The following PHGR1 variants were observed in gnomAD, a reference collection of about 807,000 sequenced individuals.
The protein encoded by PHGR1 is proline, histidine and glycine-rich protein 1.
A neutral mutation model predicts 4.9 loss-of-function variants in PHGR1; 3 were observed. The ratio of observed to expected loss-of-function variants is 0.61; its 90% CI spans 0.28 to 1.58. The LOEUF is 1.58. Ranked by LOEUF, PHGR1 falls within the 40% of genes most tolerant of loss-of-function variation. The pLI is 0.11. For missense variants in PHGR1, 81 were observed against 118.7 expected (o/e 0.68, Z 1.48); for synonymous variants, 32 against 46.1 (o/e 0.69, Z 1.24).
chr15:40,351,389 C>A (rs1447636615), intron 1 of PHGR1, among the ~76,000 whole-genome samples: 2 of 152,186 alleles, frequency 1.3e-5, no homozygotes, highest in African/African-American at 4.8e-5. Context: ...TGGGCCTGAA[C>A]TGGGGAGATA....
At chr15:40,353,692 G>A (rs56190115) in intron 2 of PHGR1, 13,229 of 214,108 alleles carry the variant, frequency 0.062, 600 homozygotes, top group Non-Finnish European at 0.082. Context: ...ACACCAATGG[G>A]GCACTTCAGA....
At chr15:40,351,640 C>G (rs1283099484) in intron 1 of PHGR1, among the ~76,000 whole-genome samples, 1 of 152,152 alleles carries the variant, frequency 6.6e-6, no homozygotes, top group African/African-American at 2.4e-5. Flanking sequence ...GTGCAGGGGG[C>G]CGGGTGCAGT....
intron 2 of PHGR1, 48 bp downstream of exon 2, chr15:40,353,315 A>G: frequency 6.4e-7 from 1 of 1,551,166 alleles, no homozygotes; most frequent in Non-Finnish European, 8.7e-7. Context: ...GGGAGAGAGC[A>G]GGAGAGCGGT....
At chr15:40,353,570 G>C (rs1431930750) in intron 2 of PHGR1, 2 of 386,292 alleles carry the variant, frequency 5.2e-6, no homozygotes, top group Non-Finnish European at 9.5e-6. Flanking sequence ...AAAGGCCATA[G>C]AGGTGCAGCT....
intron 3 of PHGR1, among the ~76,000 whole-genome samples, chr15:40,355,091 C>T (rs1404826658): frequency 2.6e-5 from 4 of 152,086 alleles, no homozygotes; most frequent in Non-Finnish European, 5.9e-5. Context: ...TCCACAGGGC[C>T]CCAGACCCCG....
intron 1 of PHGR1, among the ~76,000 whole-genome samples, chr15:40,351,273 T>C (rs554645064): frequency 5.3e-4 from 81 of 152,336 alleles, no homozygotes; most frequent in African/African-American, 1.9e-3. Context: ...TCTTCTTCAG[T>C]TATGATTTAT....
At chr15:40,353,652 C>A (rs1889244190) in intron 2 of PHGR1, 1 of 245,292 alleles carries the variant, frequency 4.1e-6, no homozygotes, top group East Asian at 9.1e-5. Flanking sequence ...AAAGACCGTC[C>A]TAGCCTTTAA....
At chr15:40,352,536 G>A (rs922519829) in intron 1 of PHGR1, among the ~76,000 whole-genome samples, 12 of 152,152 alleles carry the variant, frequency 7.9e-5, no homozygotes, top group African/African-American at 2.9e-4. Flanking sequence ...ACGGCTTGTT[G>A]GTGAATGACA....
chr15:40,351,703 G>A (rs964660564), intron 1 of PHGR1, among the ~76,000 whole-genome samples: 1 of 152,068 alleles, frequency 6.6e-6, no homozygotes, highest in Admixed American at 6.6e-5. Flanking sequence ...AGGATCACTT[G>A]AGCCTAGGCT....
intron 3 of PHGR1, 78 bp from the exon 4 acceptor site, chr15:40,355,995 T>A (rs1889287875): frequency 7.0e-7 from 1 of 1,419,672 alleles, no homozygotes; most frequent in South Asian, 1.2e-5. Context: ...CCCAGGGAAG[T>A]GGAGTGAGGG....
At chr15:40,353,147 G>GTGTGCA (rs1491158872) in intron 1 of PHGR1, 85 bp from the exon 2 acceptor site, 1 of 1,037,590 alleles carries the variant, frequency 9.6e-7, no homozygotes, top group African/African-American at 2.0e-5. Flanking sequence ...GTGTGTGTGT[G>GTGTGCA]CGCGCGCGCG....
rs1566912284 is a variant in PHGR1 at position 40,356,244 on chromosome 15, C to T, written c.190C>T (p.Pro64Ser). The change falls in exon 4 of 4, where the codon CCC becomes TCC. Residue 64 changes from proline (P) to serine (S), a missense_variant. Physicochemically the swap from Pro to Ser is moderately conservative, Grantham distance 74. Transcript: ENST00000448599. ...CGPPPHHGPGPCGPPPGHGPG... is the reference protein window; with the variant it reads ...CGPPPHHGPGSCGPPPGHGPG... ...GCCACCCCCCCACCATGGTCCAGGG[C>T]CCTGCGGGCCTCCCCCTGGCCATGG... 6.5e-7 allele frequency: 1 copy of T among 1,544,020 alleles called. No homozygotes were observed. The highest frequency in any genetic ancestry group is 8.7e-7 in the Non-Finnish European group (1 of 1,143,316).
chr15:40,354,699 G>A (rs1889262641), intron 3 of PHGR1, among the ~76,000 whole-genome samples: 1 of 152,216 alleles, frequency 6.6e-6, no homozygotes, highest in African/African-American at 2.4e-5. Flanking sequence ...CAGCCTTGCT[G>A]GATAGCTGGC....
At chr15:40,355,460 A>C (rs1889277754) in intron 3 of PHGR1, among the ~76,000 whole-genome samples, 1 of 152,214 alleles carries the variant, frequency 6.6e-6, no homozygotes, top group East Asian at 1.9e-4. Flanking sequence ...TAGCTATTTT[A>C]TATAAATATG....
chr15:40,353,148 C>CGCGT (rs1889234337), intron 1 of PHGR1, 84 bp from the exon 2 acceptor site: 1 of 800,116 alleles, frequency 1.2e-6, no homozygotes, highest in African/African-American at 2.4e-5. Context: ...TGTGTGTGTG[C>CGCGT]GCGCGCGCGC....
intron 3 of PHGR1, among the ~76,000 whole-genome samples, chr15:40,355,837 G>A (rs537375492): frequency 3.3e-5 from 5 of 152,282 alleles, no homozygotes; most frequent in Admixed American, 6.5e-5. Context: ...TCATATCTTG[G>A]CTCAAAGAAT....
chr15:40,356,167 ATGGTCC>A lies in PHGR1; in HGVS notation c.114_119del (p.His38_Pro40delinsGln). The A allele has an allele frequency of 1.5e-6, 2 of 1,305,614 alleles. No individual in the cohort carries two copies. Among genetic ancestry groups the A allele is most frequent in the Non-Finnish European group, 2.0e-6 (2 of 1,020,948 alleles). 80.9% of individuals were successfully genotyped at this position (1,305,614 alleles called of 1,614,324 possible). On this transcript the variant is annotated inframe_deletion, in exon 4 of 4. Transcript: ENST00000448599. ...GGGCCCTGCGGGCCACCCCCCCACC[ATGGTCC>A]AGGGCCCTGCGGGCCACCCCCTGGC...
intron 1 of PHGR1, 113 bp from the exon 2 acceptor site, chr15:40,353,119 G>T: frequency 1.5e-6 from 1 of 661,976 alleles, no homozygotes; most frequent in Non-Finnish European, 2.3e-6. Flanking sequence ...GGGTGTGTGT[G>T]TGTGTGTGTG....
At chr15:40,355,997 G>A (rs930741935) in intron 3 of PHGR1, 76 bp from the exon 4 acceptor site, 3 of 1,428,670 alleles carry the variant, frequency 2.1e-6, no homozygotes, top group African/African-American at 1.4e-5. Context: ...CAGGGAAGTG[G>A]AGTGAGGGAG....
Sources: allele counts gnomAD v4.1 joint callset (sites outside exome capture counted in the v4.1 genomes callset), GRCh38; gene constraint gnomAD v4.1.1; transcripts MANE v1.5; gene names NCBI Gene and HGNC (gene_info 2026-07-23, HGNC 2026-07-21).